Variants in SLC2A5 observed in about 807,000 individuals in gnomAD.
SLC2A5 encodes the protein solute carrier family 2, facilitated glucose transporter member 5.
Under a neutral mutation model 50.3 loss-of-function variants are expected in SLC2A5, and 56 were observed. That is an observed-to-expected ratio of 1.11 (90% CI 0.90 to 1.39). SLC2A5 has a LOEUF of 1.39. Among genes scored for constraint, SLC2A5 ranks in the 40% most tolerant of loss-of-function variants. The pLI is 0.00. For missense variants in SLC2A5, 566 were observed against 650.1 expected, an observed-to-expected ratio of 0.87 and a Z score of 1.41; for synonymous variants, 269 against 281.9, an observed-to-expected ratio of 0.95 and a Z score of 0.46.
At chr1:9,089,308 T>C (rs1050672631), upstream of SLC2A5, among the ~76,000 whole-genome samples, 5 of 152,206 alleles carry the variant, frequency 3.3e-5, no homozygotes, top group African/African-American at 9.7e-5. Flanking sequence ...AGGAAAATCC[T>C]ACCCTTTTCT....
chr1:9,041,718 A>G (rs1569843294), intron 5 of SLC2A5, 67 bp downstream of exon 5: 1 of 1,613,200 alleles, frequency 6.2e-7, no homozygotes, highest in Non-Finnish European at 8.5e-7. Context: ...GTGGCTTTGG[A>G]ACACAAGGAG....
At chr1:9,060,487 ACCC>A (rs549915573) in intron 1 of SLC2A5, among the ~76,000 whole-genome samples, 1 of 84,672 alleles carries the variant, frequency 1.2e-5, no homozygotes, top group Admixed American at 1.4e-4. Flanking sequence ...CCCATACCCC[ACCC>A]CCCCACATAT....
intron 1 of SLC2A5, 101 bp downstream of exon 1, chr1:9,069,403 C>T: frequency 8.0e-7 from 1 of 1,245,554 alleles, no homozygotes; most frequent in Non-Finnish European, 1.2e-6. Context: ...ACAGAGTTCC[C>T]TCTGCAACAC....
In SLC2A5 at chr1:9,057,511, A is replaced by C; in HGVS notation, c.230T>G (p.Met77Arg). 1 of 1,614,120 alleles carries C rather than the reference A, an allele frequency of 6.2e-7. No individual in the cohort carries two copies. The highest frequency in any genetic ancestry group is 8.5e-7 in the Non-Finnish European group (1 of 1,179,992). The change falls in exon 3 of 12, where the codon ATG (methionine) becomes AGG (arginine). Residue 77 changes from methionine to arginine, a missense_variant. Met to Arg is a moderately conservative substitution (Grantham distance 91). Coordinates refer to ENST00000377424, the MANE Select transcript of SLC2A5 (RefSeq NM_003039.3). ...LTLLWSVTVS[M>R]FPFGGFIGSL... is the part of the protein sequence containing the mutation. ...TCCGATAAACCCTCCAAATGGAAAC[A>C]TGGACACGGTTACAGACCACAGCAA...
At chr1:9,059,562 A>AGAGTCTTCC (rs58799445) in intron 1 of SLC2A5, among the ~76,000 whole-genome samples, 1 of 94,694 alleles carries the variant, frequency 1.1e-5, no homozygotes, top group Non-Finnish European at 2.2e-5. Flanking sequence ...TTTCTGAGAC[A>AGAGTCTTCC]TTTCTTGCCC....
chr1:9,075,386 A>C (rs1290526403), intron 2 of SLC2A5, among the ~76,000 whole-genome samples: 1 of 152,146 alleles, frequency 6.6e-6, no homozygotes, highest in East Asian at 1.9e-4. Flanking sequence ...TAAAATCTCC[A>C]GCAAGCCTGT....
At chr1:9,065,074 T>G (rs1308290545) in intron 1 of SLC2A5, among the ~76,000 whole-genome samples, 1 of 149,354 alleles carries the variant, frequency 6.7e-6, no homozygotes. Context: ...AAAAAAAATG[T>G]ATAGCCTATC....
At chr1:9,080,409 C>T (rs757782155) in intron 2 of SLC2A5, among the ~76,000 whole-genome samples, 15 of 152,188 alleles carry the variant, frequency 9.9e-5, no homozygotes, top group African/African-American at 2.4e-4. Flanking sequence ...ACAGTAGCTA[C>T]GCCATTTTAC....
At position 9,080,387 on chromosome 1, in the gene SLC2A5, G is replaced by A. The variant is rs1037834945; in HGVS notation, c.-59+4627C>T. On this transcript the variant is annotated intron_variant, in intron 2 of 5. Transcript: ENST00000464985. ...TTTTTAATTTTTTTTAGGAATTACC[G>A]TTCTGTTTTCCACAGTAGCTACGCC... 8.5e-5 allele frequency among the ~76,000 whole-genome samples: 13 copies of A among 152,234 alleles called. No homozygotes were observed. The East Asian group carries it at 1.5e-3, about 18-fold the overall frequency.
At chr1:9,087,903 C>A (rs114265625) in intron 1 of SLC2A5, among the ~76,000 whole-genome samples, 2,340 of 152,252 alleles carry the variant, frequency 0.015, 63 homozygotes, top group African/African-American at 0.053. Flanking sequence ...CCAATTCCAA[C>A]TGGAACATCC....
chr1:9,082,672 T>A (rs1300586831), intron 2 of SLC2A5: 1 of 212,890 alleles, frequency 4.7e-6, no homozygotes, highest in Non-Finnish European at 9.8e-6. Flanking sequence ...ACAGAATAGA[T>A]AAATCCATAG....
chr1:9,067,369 GC>G lies in SLC2A5; in HGVS notation c.33+2134del, dbSNP rs753095033. On this transcript the variant is annotated intron_variant, in intron 1 of 11. Coordinates refer to ENST00000377424, the MANE Select transcript of SLC2A5 (RefSeq NM_003039.3). ...GCTGAGGCAGCAGGCAGCTGGGTCA[GC>G]CCATGCCTCTCGCATGTGGCCATCT... Among the ~76,000 whole-genome samples, 3 of 152,240 alleles carry G rather than the reference GC, an allele frequency of 2.0e-5. No individual in the cohort carries two copies. In the East Asian group the frequency reaches 5.8e-4, roughly 29 times the overall value.
In SLC2A5 at chr1:9,038,913, A is replaced by G; in HGVS notation, c.1013T>C (p.Leu338Pro). 6.2e-7 allele frequency: 1 copy of G among 1,612,578 alleles called. No individual in the cohort carries two copies. Among genetic ancestry groups the G allele is most frequent in the Non-Finnish European group, 8.5e-7 (1 of 1,179,882 alleles). The change falls in exon 9 of 12, where the codon CTC (leucine) becomes CCC (proline). Residue 338 changes from leucine to proline, a missense_variant. Leu to Pro is a moderately conservative substitution (Grantham distance 98, BLOSUM62 -3). Coordinates refer to ENST00000377424, the MANE Select transcript of SLC2A5 (RefSeq NM_003039.3). The part of the protein sequence containing the change: ...MTFCAVFVVE[L>P]LGRRLLLLLG... Reference sequence around the variant, plus strand: ...CAGCAGCAGCAGCCTCCGACCCAGGAGCTCCACCACGAACACCTACAGGAG... The same window carrying G: ...CAGCAGCAGCAGCCTCCGACCCAGGGGCTCCACCACGAACACCTACAGGAG...
intron 4 of SLC2A5, among the ~76,000 whole-genome samples, chr1:9,045,173 A>C (rs1236166228): frequency 9.9e-5 from 15 of 152,234 alleles, no homozygotes; most frequent in African/African-American, 3.6e-4. Context: ...CTGAGAATTC[A>C]GCTGTCTTCT....
intron 4 of SLC2A5, among the ~76,000 whole-genome samples, chr1:9,047,285 T>C (rs1252787320): frequency 1.3e-5 from 2 of 152,202 alleles, no homozygotes; most frequent in Non-Finnish European, 2.9e-5. Context: ...AAGAAAATGC[T>C]GCTCACTAAA....
chr1:9,077,505 C>G (rs1445389716), intron 2 of SLC2A5, among the ~76,000 whole-genome samples: 1 of 151,006 alleles, frequency 6.6e-6, no homozygotes, highest in Non-Finnish European at 1.5e-5. Flanking sequence ...CTTTGGGAGG[C>G]TGAGGCAGGT....
intron 1 of SLC2A5, among the ~76,000 whole-genome samples, chr1:9,086,913 T>C (rs1017069957): frequency 2.0e-5 from 3 of 152,162 alleles, no homozygotes; most frequent in Admixed American, 1.3e-4. Flanking sequence ...AATGTCAGCA[T>C]AACCAGAAAC....
chr1:9,081,669 G>A (rs1416024190), intron 2 of SLC2A5, among the ~76,000 whole-genome samples: 1 of 151,980 alleles, frequency 6.6e-6, no homozygotes, highest in East Asian at 1.9e-4. Flanking sequence ...AAATGACCAA[G>A]AAGCACATGA....
intron 4 of SLC2A5, among the ~76,000 whole-genome samples, chr1:9,044,829 A>G (rs1386000158): frequency 1.3e-5 from 2 of 152,200 alleles, no homozygotes; most frequent in Non-Finnish European, 2.9e-5. Flanking sequence ...TGCTGGTATT[A>G]CAGGCATGAG....
Sources: gnomAD v4.1 joint callset for allele counts (sites outside exome capture counted in the v4.1 genomes callset) on GRCh38, gnomAD v4.1.1 for gene constraint, MANE v1.5 for transcripts, NCBI Gene and HGNC (gene_info 2026-07-23, HGNC 2026-07-21) for gene names.